The following PYY variants were observed in gnomAD, a reference collection of about 807,000 sequenced individuals.
The protein encoded by PYY is peptide YY.
Under a neutral mutation model 10.3 loss-of-function variants are expected in PYY, and 12 were observed. That is an observed-to-expected ratio of 1.17 (90% CI 0.75 to 1.89). The LOEUF (loss-of-function observed/expected upper bound fraction) is 1.89. Among genes scored for constraint, PYY ranks in the 40% most tolerant of loss-of-function variants. The pLI, the probability that PYY is intolerant of heterozygous loss-of-function variation, is 0.00. For synonymous variants in PYY, 66 were observed against 62.0 expected (o/e 1.06, Z -0.30); for missense variants, 141 against 134.0 (o/e 1.05, Z -0.26).
chr17:43,992,897 G>A (rs201677893), intron 1 of PYY, among the ~76,000 whole-genome samples: 1 of 151,812 alleles, frequency 6.6e-6, no homozygotes, highest in Non-Finnish European at 1.5e-5. Flanking sequence ...GGGGAGGATT[G>A]TCAGAGGAAG....
chr17:43,971,525 A>T (rs1242634568), intron 1 of PYY, among the ~76,000 whole-genome samples: 1 of 150,596 alleles, frequency 6.6e-6, no homozygotes, highest in African/African-American at 2.4e-5. Flanking sequence ...AGCCAAGATC[A>T]TGCCACCACA....
Position 43,953,089 on chromosome 17 carries a change from G to A in PYY, c.269+20C>T, listed in dbSNP as rs774233426. On this transcript the variant is annotated intron_variant, in intron 3 of 3. Transcript: ENST00000692052. Reference sequence around the variant, plus strand: ...GGCCGCGCTCTCGGATGCAGGATGTGTGGTAACGGGCGCTTTTACCGCGAC... The same window carrying A: ...GGCCGCGCTCTCGGATGCAGGATGTATGGTAACGGGCGCTTTTACCGCGAC... 1.7e-5 allele frequency: 27 copies of A among 1,613,364 alleles called. No individual in the cohort carries two copies. The highest frequency in any genetic ancestry group is 2.1e-5 in the Non-Finnish European group (25 of 1,179,594).
intron 1 of PYY, among the ~76,000 whole-genome samples, chr17:43,976,249 ATATGTATACATGTATACATG>A (rs2048840790): frequency 6.9e-6 from 1 of 144,822 alleles, no homozygotes; most frequent in African/African-American, 2.7e-5. Context: ...ATATATACAC[ATATGTATACATGTATACATG>A]TACGTATATA....
At chr17:43,973,941 A>C (rs368888506) in intron 1 of PYY, among the ~76,000 whole-genome samples, 29 of 152,234 alleles carry the variant, frequency 1.9e-4, no homozygotes, top group Middle Eastern at 3.4e-3. Context: ...CTAGGGTCCT[A>C]GATTGTGCCA....
chr17:43,957,535 G>A (rs1355785450), upstream of PYY, among the ~76,000 whole-genome samples: 1 of 151,970 alleles, frequency 6.6e-6, no homozygotes, highest in Non-Finnish European at 1.5e-5. Flanking sequence ...GCGGGCGCCT[G>A]TAATCCAGCT....
Position 43,953,368 on chromosome 17 carries a change from T to A in PYY, c.116A>T (p.Asp39Val). Residue 39 changes from aspartate (D) to valine (V), a missense_variant, in exon 2 of 4, where the codon GAC becomes GTC. Coordinates refer to ENST00000692052, the MANE Select transcript of PYY (RefSeq NM_001394028.1). Reference protein sequence around the residue: ...YPIKPEAPREDASPEELNRYY... With the variant: ...YPIKPEAPREVASPEELNRYY... ...GCGGTTCAGCTCCTCCGGCGAGGCG[T>A]CTTCGCGGGGAGCCTCGGGTTTGAT... 6.2e-7 allele frequency: 1 copy of A among 1,612,390 alleles called. No homozygotes were observed. Among genetic ancestry groups the A allele is most frequent in the African/African-American group, 1.3e-5 (1 of 75,032 alleles).
At chr17:43,957,963 C>G (rs564290735), upstream of PYY, 1 of 154,630 alleles carries the variant, frequency 6.5e-6, no homozygotes, top group Non-Finnish European at 1.5e-5. Flanking sequence ...AACACAGTAA[C>G]AGATACTTGT....
chr17:43,996,292 T>C (rs552325605), intron 1 of PYY, among the ~76,000 whole-genome samples: 1 of 152,190 alleles, frequency 6.6e-6, no homozygotes, highest in Admixed American at 6.5e-5. Context: ...GAGATGCTTG[T>C]CCAGCCCCCA....
At chr17:43,953,680 AAGCCCTGCCTGCCTCCCC>A (rs1294697619) in intron 1 of PYY, among the ~76,000 whole-genome samples, 152 bp downstream of exon 1, 5 of 151,956 alleles carry the variant, frequency 3.3e-5, no homozygotes, top group Non-Finnish European at 5.9e-5. Flanking sequence ...AGAGGAGCAT[AAGCCCTGCCTGCCTCCCC>A]ACCCCCACCC....
chr17:43,991,685 G>A (rs2048957728), intron 1 of PYY, among the ~76,000 whole-genome samples: 1 of 152,070 alleles, frequency 6.6e-6, no homozygotes, highest in Non-Finnish European at 1.5e-5. Context: ...TTGGCTGGGC[G>A]TGGTGGCCCA....
intron 1 of PYY, among the ~76,000 whole-genome samples, chr17:44,002,904 G>A (rs1415458437): frequency 6.6e-6 from 1 of 152,138 alleles, no homozygotes; most frequent in Non-Finnish European, 1.5e-5. Context: ...TTGGTGCTAG[G>A]GTATCTTTAA....
rs1347609681 is a variant in PYY at position 43,987,499 on chromosome 17, C to T, written c.-463+16892G>A. ...ATGGAATTCAGCTCGAAGATCAGAC[C>T]TTGAGAGGTCGACCCATACTGGGGG... is the stretch of plus-strand genomic sequence containing the variant. On this transcript the variant is annotated intron_variant, in intron 1 of 6. Coordinates refer to the PYY transcript ENST00000360085. This position sits in a 1 kb window ranked among gnomAD's most constrained non-coding sequence, Gnocchi z 4.0. 1.3e-5 allele frequency among the ~76,000 whole-genome samples: 2 copies of T among 152,226 alleles called. No homozygotes were observed. Among genetic ancestry groups the T allele is most frequent in the African/African-American group, 2.4e-5 (1 of 41,454 alleles).
At chr17:43,955,730 C>G (rs187851570), upstream of PYY, among the ~76,000 whole-genome samples, 1 of 152,124 alleles carries the variant, frequency 6.6e-6, no homozygotes, top group Admixed American at 6.6e-5. Context: ...AGAACAGATA[C>G]AGAGAGACAG....
intron 1 of PYY, among the ~76,000 whole-genome samples, chr17:43,991,395 C>T (rs933895897): frequency 3.3e-5 from 5 of 152,204 alleles, no homozygotes; most frequent in East Asian, 3.9e-4. Flanking sequence ...CTTGTCATTG[C>T]ACTCCAGCCT....
At chr17:43,978,436 G>A (rs192962766) in intron 1 of PYY, among the ~76,000 whole-genome samples, 17 of 151,170 alleles carry the variant, frequency 1.1e-4, no homozygotes, top group East Asian at 2.0e-4. Context: ...CAGGAGGATC[G>A]TTTGAGCCCA....
intron 1 of PYY, among the ~76,000 whole-genome samples, chr17:43,983,416 G>A (rs1230499697): frequency 6.6e-6 from 1 of 152,200 alleles, no homozygotes; most frequent in Non-Finnish European, 1.5e-5. Context: ...CCCAGCTCTG[G>A]GGCCTGCTCA....
At chr17:43,973,222 TTAAAGA>T (rs1422916266) in intron 1 of PYY, among the ~76,000 whole-genome samples, 2 of 152,180 alleles carry the variant, frequency 1.3e-5, no homozygotes, top group Non-Finnish European at 1.5e-5. Context: ...TGTTTGTCAC[TTAAAGA>T]TAAATTCCTG....
chr17:44,003,857 G>A (rs1022905561), intron 1 of PYY, among the ~76,000 whole-genome samples: 7 of 151,760 alleles, frequency 4.6e-5, no homozygotes, highest in Non-Finnish European at 8.8e-5. Context: ...GGGCATGGTG[G>A]TGTGCATTTG....
intron 1 of PYY, among the ~76,000 whole-genome samples, chr17:43,967,186 C>T (rs2048760566): frequency 6.6e-6 from 1 of 151,946 alleles, no homozygotes; most frequent in African/African-American, 2.4e-5. Flanking sequence ...GCCTATAATC[C>T]CAGCTACTCG....
Sources: allele counts gnomAD v4.1 joint callset (sites outside exome capture counted in the v4.1 genomes callset), GRCh38; gene constraint gnomAD v4.1.1; non-coding constraint Gnocchi (gnomAD v3.1); transcripts MANE v1.5; gene names NCBI Gene and HGNC (gene_info 2026-07-23, HGNC 2026-07-21).